Variants in FADS6 observed in about 807,000 individuals in gnomAD.
FADS6 encodes fatty acid desaturase domain family, member 6.
FADS6 carries 28 observed loss-of-function variants against 31.7 expected under a neutral mutation model. The ratio of observed to expected loss-of-function variants is 0.88; its 90% CI spans 0.66 to 1.21. The LOEUF (loss-of-function observed/expected upper bound fraction) is 1.21. Ranked by LOEUF, FADS6 falls within the 50% of genes most tolerant of loss-of-function variation. The pLI is 0.00. For missense variants in FADS6, 494 were observed against 504.2 expected (o/e 0.98, Z 0.19); for synonymous variants, 191 against 213.1 (o/e 0.90, Z 0.90).
At chr17:74,883,530 A>G (rs1157239595) in intron 2 of FADS6, among the ~76,000 whole-genome samples, 1 of 151,890 alleles carries the variant, frequency 6.6e-6, no homozygotes, top group Non-Finnish European at 1.5e-5. Flanking sequence ...ACAGCGGAAC[A>G]CCCCCGCAGA....
At chr17:74,876,885 C>T (rs964431326), downstream of FADS6, among the ~76,000 whole-genome samples, 9 of 152,130 alleles carry the variant, frequency 5.9e-5, 1 homozygote, top group Non-Finnish European at 1.2e-4. Context: ...CCCTCAGCCT[C>T]CACCTGGGCA....
At chr17:74,883,579 A>G (rs2038595683) in intron 2 of FADS6, among the ~76,000 whole-genome samples, 2 of 152,194 alleles carry the variant, frequency 1.3e-5, no homozygotes, top group African/African-American at 2.4e-5. Flanking sequence ...TCACTCGCAC[A>G]CTTCCTGAGG....
At chr17:74,888,360 G>C (rs1473007305) in intron 2 of FADS6, among the ~76,000 whole-genome samples, 1 of 152,030 alleles carries the variant, frequency 6.6e-6, no homozygotes, top group African/African-American at 2.4e-5. Context: ...GCAAATCTGA[G>C]TTTTCTCTCC....
Position 74,881,109 on chromosome 17 carries a change from A to G in FADS6, c.739T>C (p.Ser247Pro). 6.2e-7 allele frequency: 1 copy of G among 1,613,710 alleles called. No individual in the cohort carries two copies. The highest frequency in any genetic ancestry group is 8.5e-7 in the Non-Finnish European group (1 of 1,179,798). Residue 247 changes from serine to proline, a missense_variant, in exon 4 of 6, where the codon TCC becomes CCC. Ser to Pro is a moderately conservative substitution (Grantham distance 74). This residue lies in a region of FADS6 where 454 missense variants were observed against 438.5 expected (regional missense o/e 1.04). Transcript: ENST00000612771. ...TGGAGGTAGGGGTGGGCCAACAGGG[A>G]TCTGGTGAGGAACATGCAGCCCAGG... is the stretch of plus-strand genomic sequence containing the variant. ...SALGCMFLTRSLLAHPYLHVN... is the reference protein window; with the variant it reads ...SALGCMFLTRPLLAHPYLHVN...
At chr17:74,888,182 A>T (rs1453132295) in intron 2 of FADS6, among the ~76,000 whole-genome samples, 1 of 148,314 alleles carries the variant, frequency 6.7e-6, no homozygotes, top group East Asian at 2.0e-4. Context: ...GCAGAGTACC[A>T]ATGTCCGTTT....
In FADS6 at chr17:74,878,251, C is replaced by A; in HGVS notation, c.*80G>T. On this transcript the variant is annotated 3_prime_UTR_variant, in exon 6 of 6. Coordinates refer to ENST00000612771, the MANE Select transcript of FADS6 (RefSeq NM_178128.6). ...CCAGGTCCACCACCAGCCACTGAGC[C>A]ACACCCCCTGGACCAGCAGCAGCAG... 6.7e-7 allele frequency: 1 copy of A among 1,500,424 alleles called. No individual in the cohort carries two copies. Among genetic ancestry groups the A allele is most frequent in the Non-Finnish European group, 8.9e-7 (1 of 1,123,890 alleles). The allele number at this position is 1,500,424 out of a possible 1,614,324, so 92.9% of individuals were successfully genotyped here.
At chr17:74,878,926 C>G in intron 5 of FADS6, 1 of 198,474 alleles carries the variant, frequency 5.0e-6, no homozygotes, top group Non-Finnish European at 1.0e-5. Flanking sequence ...TGATCTAAAA[C>G]CCATGCTGCT....
At chr17:74,882,825 G>A in intron 2 of FADS6, 115 bp from the exon 3 acceptor site, 1 of 1,532,048 alleles carries the variant, frequency 6.5e-7, no homozygotes, top group Non-Finnish European at 8.7e-7. Flanking sequence ...CATGTCCAGG[G>A]CCGTCCTGCC....
intron 2 of FADS6, among the ~76,000 whole-genome samples, chr17:74,887,503 C>G (rs2038636128): frequency 6.6e-6 from 1 of 152,230 alleles, no homozygotes; most frequent in South Asian, 2.1e-4. Flanking sequence ...CTGCCTGCCC[C>G]AGTCACCTAC....
chr17:74,886,961 G>T (rs1408279375), intron 2 of FADS6, among the ~76,000 whole-genome samples: 1 of 151,766 alleles, frequency 6.6e-6, no homozygotes, highest in Admixed American at 6.6e-5. Flanking sequence ...GGCACTTTTT[G>T]TGTCAGGGAC....
chr17:74,879,407 C>T lies in FADS6; in HGVS notation c.957G>A (p.Leu319=), dbSNP rs1304076503. Residue 319 remains leucine (L), a synonymous_variant, in exon 5 of 6, where the codon CTG becomes CTA. Coordinates refer to ENST00000612771, the MANE Select transcript of FADS6 (RefSeq NM_178128.6). ...LFPRLSDNMC[L]KVKPVVSQFL... Reference sequence around the variant, plus strand: ...CCCCAGCCCAGCCCTCGACTACCTTCAGGCACATGTTATCAGAGAGCCTGG... The same window carrying T: ...CCCCAGCCCAGCCCTCGACTACCTTTAGGCACATGTTATCAGAGAGCCTGG... 6 of 1,613,632 alleles carry T rather than the reference C, an allele frequency of 3.7e-6. No homozygotes were observed. In the South Asian group the frequency reaches 6.6e-5, roughly 18 times the overall value.
chr17:74,885,714 A>G (rs2038615471), intron 2 of FADS6, among the ~76,000 whole-genome samples: 1 of 151,704 alleles, frequency 6.6e-6, no homozygotes, highest in African/African-American at 2.4e-5. Flanking sequence ...TGTCCTTACC[A>G]TCTCTCAGCC....
intron 1 of FADS6, among the ~76,000 whole-genome samples, chr17:74,893,059 C>T (rs1346552767): frequency 6.6e-6 from 1 of 152,132 alleles, no homozygotes; most frequent in African/African-American, 2.4e-5. Context: ...TGGGGGGGCA[C>T]CTCATCACTC....
chr17:74,884,422 G>C (rs1444255034), intron 2 of FADS6, among the ~76,000 whole-genome samples: 1 of 152,152 alleles, frequency 6.6e-6, no homozygotes, highest in Non-Finnish European at 1.5e-5. Flanking sequence ...AATATTGGTT[G>C]TCTGAAATTC....
rs771101271 is a variant in FADS6, at chr17:74,879,496, G to A, written c.868C>T (p.Pro290Ser). 9 of 1,613,876 alleles carry A rather than the reference G, an allele frequency of 5.6e-6. No individual in the cohort carries two copies. Among genetic ancestry groups the A allele is most frequent in the Non-Finnish European group, 7.6e-6 (9 of 1,179,888 alleles). The change falls in exon 5 of 6, where the codon CCC becomes TCC. Residue 290 changes from proline (P) to serine (S), a missense_variant. Transcript: ENST00000612771. ...SLGVLNLARL[P>S]VLDWAFGHSI... ...TGGCCGAACGCCCAGTCCAGCACGG[G>A]CAGCCGGGCCAGGTTAAGCACCCCC...
chr17:74,879,631 C>G (rs747238459), intron 4 of FADS6, 48 bp from the exon 5 acceptor site: 13 of 1,567,454 alleles, frequency 8.3e-6, no homozygotes, highest in South Asian at 1.2e-5. Flanking sequence ...CCTCCCCACC[C>G]CACTCCAGGT....
chr17:74,892,454 C>T (rs2038698743), intron 2 of FADS6, 69 bp downstream of exon 2: 2 of 1,533,334 alleles, frequency 1.3e-6, no homozygotes, highest in Admixed American at 4.0e-5. Flanking sequence ...CACCCGCATG[C>T]TCGAACAGAA....
downstream of FADS6, chr17:74,877,261 CTGTT>C (rs1160205909): frequency 1.3e-5 from 2 of 152,032 alleles, no homozygotes; most frequent in East Asian, 1.9e-4. Flanking sequence ...ACAGAACAAA[CTGTT>C]TGAACTAGCC....
chr17:74,875,081 C>T (rs2038500416), downstream of FADS6, among the ~76,000 whole-genome samples: 1 of 152,190 alleles, frequency 6.6e-6, no homozygotes, highest in East Asian at 1.9e-4. Context: ...TAGGGCTCCC[C>T]ATCTAGAGGC....
Sources: allele counts gnomAD v4.1 joint callset (sites outside exome capture counted in the v4.1 genomes callset), GRCh38; gene constraint gnomAD v4.1.1; regional missense constraint gnomAD v4.1.1; transcripts MANE v1.5; gene names NCBI Gene and HGNC (gene_info 2026-07-23, HGNC 2026-07-21).